The following RFX3 variants were observed in gnomAD, a reference collection of about 807,000 sequenced individuals.
RFX3 encodes regulatory factor X3.
RFX3 carries 14 observed loss-of-function variants against 98.6 expected under a neutral mutation model. The observed-to-expected ratio is 0.14, with a 90% CI of 0.09 to 0.22. The LOEUF (loss-of-function observed/expected upper bound fraction) is 0.22, where lower values mean the gene tolerates loss of function less well. Among genes scored for constraint, RFX3 ranks in the 10% least tolerant of loss-of-function variants. RFX3 has a pLI of 1.00. For missense variants in RFX3, 639 were observed against 926.9 expected (o/e 0.69, Z 4.03); for synonymous variants, 383 against 328.4 (o/e 1.17, Z -1.80).
intron 2 of RFX3, among the ~76,000 whole-genome samples, chr9:3,381,319 A>G (rs1587423639): frequency 2.6e-5 from 4 of 152,098 alleles, no homozygotes; most frequent in South Asian, 4.1e-4. Flanking sequence ...TGATCTTATC[A>G]GTCCCATAAG....
chr9:3,384,177 C>A lies in RFX3; in HGVS notation c.117+11295G>T, dbSNP rs189854739. 4.0e-3 allele frequency among the ~76,000 whole-genome samples: 603 copies of A among 150,240 alleles called. 2 individuals are homozygous for A. Among genetic ancestry groups the A allele is most frequent in the African/African-American group, 0.014 (568 of 40,668 alleles). On this transcript the variant is annotated intron_variant, in intron 2 of 16. Coordinates refer to ENST00000617270, the MANE Select transcript of RFX3 (RefSeq NM_001282116.2). ...TAAGTGAGCAAGGCCCAAGTCCTTT[C>A]CTCTCCACATACACAATGACACTAC...
At chr9:3,434,427 A>G (rs1433309998) in intron 1 of RFX3, among the ~76,000 whole-genome samples, 8 of 152,120 alleles carry the variant, frequency 5.3e-5, no homozygotes. Context: ...TTTCTAATAA[A>G]TGCTAAGGAA....
intron 1 of RFX3, among the ~76,000 whole-genome samples, chr9:3,486,249 C>T (rs552881152): frequency 1.3e-5 from 2 of 151,332 alleles, no homozygotes; most frequent in African/African-American, 4.9e-5. Context: ...CTCTACCCTA[C>T]TCCAGAGCCC....
At chr9:3,387,660 T>A (rs1044664684) in intron 2 of RFX3, among the ~76,000 whole-genome samples, 1 of 151,922 alleles carries the variant, frequency 6.6e-6, no homozygotes, top group African/African-American at 2.4e-5. Flanking sequence ...TCATTTGGAA[T>A]TCATTTTAAA....
chr9:3,256,310 A>G (rs2131102296), intron 14 of RFX3, among the ~76,000 whole-genome samples: 1 of 148,266 alleles, frequency 6.7e-6, no homozygotes, highest in African/African-American at 2.5e-5. Flanking sequence ...TTGATTTAGT[A>G]GGTCTTGGGA....
At chr9:3,525,430 G>A (rs1819174400) in intron 1 of RFX3, among the ~76,000 whole-genome samples, 1 of 152,158 alleles carries the variant, frequency 6.6e-6, no homozygotes, top group African/African-American at 2.4e-5. Context: ...GGAAAACTGT[G>A]GCTCCCTCTC....
intron 2 of RFX3, chr9:3,364,925 G>C (rs7046730): frequency 6.6e-6 from 1 of 152,044 alleles, no homozygotes; most frequent in African/African-American, 2.4e-5. Flanking sequence ...TTTATGTCAA[G>C]AGATGCTGGC....
intron 4 of RFX3, among the ~76,000 whole-genome samples, chr9:3,319,292 G>C (rs966899836): frequency 2.0e-5 from 3 of 152,046 alleles, no homozygotes; most frequent in African/African-American, 7.2e-5. Flanking sequence ...CCAGAGATGT[G>C]TTTTAATCAA....
chr9:3,321,153 C>T (rs1268207548), intron 4 of RFX3, among the ~76,000 whole-genome samples: 1 of 152,106 alleles, frequency 6.6e-6, no homozygotes, highest in Non-Finnish European at 1.5e-5. Flanking sequence ...ATCCACCCGC[C>T]TCAGGCTCCC....
intron 4 of RFX3, among the ~76,000 whole-genome samples, chr9:3,302,650 T>A (rs1282533836): frequency 6.6e-6 from 1 of 151,852 alleles, no homozygotes; most frequent in Non-Finnish European, 1.5e-5. Context: ...CTTTAAAACA[T>A]ATTTAACTTT....
intron 4 of RFX3, among the ~76,000 whole-genome samples, chr9:3,313,011 G>C (rs774871093): frequency 3.3e-5 from 5 of 152,224 alleles, no homozygotes; most frequent in Non-Finnish European, 7.3e-5. Context: ...GCTTTGAAGA[G>C]AGTAGTGGTT....
intron 1 of RFX3, among the ~76,000 whole-genome samples, chr9:3,407,919 A>T (rs1842103367): frequency 6.6e-6 from 1 of 152,184 alleles, no homozygotes; most frequent in Admixed American, 6.5e-5. Context: ...TGGAATTTGA[A>T]TTAGGGCTCA....
At chr9:3,294,398 G>T (rs541299666) in intron 5 of RFX3, among the ~76,000 whole-genome samples, 13 of 152,072 alleles carry the variant, frequency 8.5e-5, no homozygotes, top group Admixed American at 2.6e-4. Flanking sequence ...AGAAGCCAAA[G>T]AATTCATTTA....
intron 4 of RFX3, among the ~76,000 whole-genome samples, chr9:3,307,992 A>G (rs1829528746): frequency 6.6e-6 from 1 of 152,144 alleles, no homozygotes; most frequent in East Asian, 1.9e-4. Context: ...CATTTTTTCC[A>G]TTAAAAATGG....
intron 1 of RFX3, among the ~76,000 whole-genome samples, chr9:3,468,908 C>G (rs1198144049): frequency 6.8e-6 from 1 of 147,572 alleles, no homozygotes; most frequent in Non-Finnish European, 1.5e-5. Flanking sequence ...AATGTAAAAA[C>G]AAGTTGAAAA....
intron 5 of RFX3, among the ~76,000 whole-genome samples, chr9:3,299,980 G>C (rs917698809): frequency 6.6e-6 from 1 of 150,716 alleles, no homozygotes; most frequent in African/African-American, 2.4e-5. Context: ...AAGTCTGAAA[G>C]CTGAAACAGG....
rs1385870926 is a variant in RFX3 at position 3,277,407 on chromosome 9, A to G, written c.906T>C (p.Gly302=). 6.2e-7 allele frequency: 1 copy of G among 1,612,728 alleles called. No homozygotes were observed. Among genetic ancestry groups the G allele is most frequent in the Non-Finnish European group, 8.5e-7 (1 of 1,178,970 alleles). ...GCTCAACAGATGTGCCTGTCTGTTG[A>G]CCACTTCCTGTGAAACCATCTGCAA... The part of the protein sequence containing the change: ...DGVADGFTGS[G]QQTGTSVEQT... Residue 302 remains glycine (G), a synonymous_variant, in exon 8 of 17, where the codon GGT becomes GGC. Transcript: ENST00000617270.
intron 1 of RFX3, among the ~76,000 whole-genome samples, chr9:3,444,946 T>C (rs765496649): frequency 6.6e-6 from 1 of 152,188 alleles, no homozygotes; most frequent in Non-Finnish European, 1.5e-5. Flanking sequence ...GAAATTCCTA[T>C]GTGGGATAGG....
chr9:3,443,662 AT>A (rs1845796187), intron 1 of RFX3, among the ~76,000 whole-genome samples: 2 of 152,216 alleles, frequency 1.3e-5, no homozygotes, highest in Non-Finnish European at 2.9e-5. Flanking sequence ...GCTGCAATAA[AT>A]ATACACATGC....
Sources: allele counts gnomAD v4.1 joint callset (sites outside exome capture counted in the v4.1 genomes callset), GRCh38; gene constraint gnomAD v4.1.1; transcripts MANE v1.5; gene names NCBI Gene and HGNC (gene_info 2026-07-23, HGNC 2026-07-21).